The following SLC30A7 variants were observed in gnomAD, a reference collection of about 807,000 sequenced individuals.
SLC30A7 encodes the protein zinc transporter 7.
A neutral mutation model predicts 46.0 loss-of-function variants in SLC30A7; 35 were observed. That is an observed-to-expected ratio of 0.76 (90% CI 0.58 to 1.01). SLC30A7 has a LOEUF of 1.01. Ranked by LOEUF, SLC30A7 falls within the 50% of genes least tolerant of loss-of-function variation. SLC30A7 has a pLI of 0.00. For missense variants in SLC30A7, 464 were observed against 451.1 expected (o/e 1.03, Z -0.26); for synonymous variants, 147 against 157.8 (o/e 0.93, Z 0.51).
Position 100,921,848 on chromosome 1 carries a change from G to T in SLC30A7, c.842+7G>T. ...CCATTCTTATAGTTGTAAGGTAAGTGTTATTGTTACTTTCAAGTATTAAAG... is the reference window on the plus strand; with the variant it reads ...CCATTCTTATAGTTGTAAGGTAAGTTTTATTGTTACTTTCAAGTATTAAAG... On this transcript the variant is annotated splice_region_variant and intron_variant, in intron 8 of 10. Coordinates refer to ENST00000357650, the MANE Select transcript of SLC30A7 (RefSeq NM_133496.5). 1 of 1,581,080 alleles carries T rather than the reference G, an allele frequency of 6.3e-7. No individual in the cohort carries two copies. Among genetic ancestry groups the T allele is most frequent in the East Asian group, 2.4e-5 (1 of 42,412 alleles).
At chr1:100,931,563 G>A (rs1327583130) in intron 8 of SLC30A7, among the ~76,000 whole-genome samples, 1 of 151,860 alleles carries the variant, frequency 6.6e-6, no homozygotes, top group Non-Finnish European at 1.5e-5. Context: ...AATTTTTACT[G>A]TTCAGTTACC....
intron 2 of SLC30A7, among the ~76,000 whole-genome samples, chr1:100,903,091 A>G (rs527304301): frequency 1.3e-5 from 2 of 152,316 alleles, no homozygotes; most frequent in South Asian, 4.1e-4. Context: ...AAAAACATTT[A>G]GAAACCATAC....
At chr1:100,901,504 G>T (rs1270974424) in intron 2 of SLC30A7, among the ~76,000 whole-genome samples, 1 of 152,114 alleles carries the variant, frequency 6.6e-6, no homozygotes, top group Non-Finnish European at 1.5e-5. Context: ...GCCCAAGCTG[G>T]AATGCAGTGG....
In SLC30A7 at chr1:100,977,077, T is replaced by A. The variant is rs1329025784; in HGVS notation, c.*2220T>A. ...CTGGGATATTCTGTGGGTTTTGGCA[T>A]ATTAGATAGAGAAAATGACAGATCT... On this transcript the variant is annotated 3_prime_UTR_variant, in exon 11 of 11. Transcript: ENST00000357650. 2.6e-5 allele frequency: 4 copies of A among 152,106 alleles called. No individual in the cohort carries two copies. The highest frequency in any genetic ancestry group is 1.3e-4 in the Admixed American group (2 of 15,188). The allele number at this position is 152,106 out of a possible 1,614,324, so 9.4% of individuals were successfully genotyped here.
chr1:100,974,685 C>T (rs1361712149), intron 10 of SLC30A7, 125 bp from the exon 11 acceptor site: 4 of 614,578 alleles, frequency 6.5e-6, no homozygotes, highest in Admixed American at 7.5e-5. Context: ...ATATTTGTTT[C>T]TGAAATGATT....
intron 9 of SLC30A7, among the ~76,000 whole-genome samples, chr1:100,965,001 A>C (rs904633255): frequency 6.6e-6 from 1 of 152,212 alleles, no homozygotes; most frequent in Non-Finnish European, 1.5e-5. Flanking sequence ...AAACATAAAT[A>C]TTTTTGATAG....
At chr1:100,943,424 A>G (rs979779271) in intron 8 of SLC30A7, among the ~76,000 whole-genome samples, 7 of 152,206 alleles carry the variant, frequency 4.6e-5, no homozygotes, top group Non-Finnish European at 8.8e-5. Flanking sequence ...AGGAAACTTC[A>G]TGTCTTCAGC....
intron 2 of SLC30A7, among the ~76,000 whole-genome samples, chr1:100,904,771 C>T (rs934361220): frequency 6.6e-6 from 1 of 152,166 alleles, no homozygotes; most frequent in Non-Finnish European, 1.5e-5. Context: ...ACTGCTGTTG[C>T]TTGTTACTCA....
At chr1:100,982,486 C>T (rs1034272795), downstream of SLC30A7, among the ~76,000 whole-genome samples, 4 of 152,212 alleles carry the variant, frequency 2.6e-5, no homozygotes, top group Admixed American at 2.6e-4. Flanking sequence ...CCATTCAATT[C>T]TCAACTACCA....
downstream of SLC30A7, among the ~76,000 whole-genome samples, chr1:100,983,257 T>C (rs1018916122): frequency 4.0e-5 from 6 of 151,508 alleles, no homozygotes; most frequent in South Asian, 2.1e-4. Context: ...TCAATAGATA[T>C]AGACAGAATG....
At chr1:100,981,845 A>G (rs1176615963), downstream of SLC30A7, 1 of 152,218 alleles carries the variant, frequency 6.6e-6, no homozygotes, top group East Asian at 1.9e-4. Context: ...GACTTAAGGA[A>G]TGAAAGGCAA....
At chr1:100,905,087 CAAAT>C (rs1651563295) in intron 2 of SLC30A7, among the ~76,000 whole-genome samples, 1 of 152,040 alleles carries the variant, frequency 6.6e-6, no homozygotes, top group Admixed American at 6.6e-5. Context: ...TAAATTATCA[CAAAT>C]AATATGTCAT....
intron 8 of SLC30A7, among the ~76,000 whole-genome samples, chr1:100,956,780 T>C (rs933784719): frequency 3.9e-5 from 6 of 152,254 alleles, no homozygotes; most frequent in African/African-American, 1.4e-4. Context: ...TCCCCTTTAC[T>C]TTTAAAGGTA....
At position 100,903,638 on chromosome 1, in the gene SLC30A7, T is replaced by G. The variant is rs112585423; in HGVS notation, c.183-3214T>G. On this transcript the variant is annotated intron_variant, in intron 2 of 10. Transcript: ENST00000357650. ...CTTAAACTTTCTAATATATCTATATTTCAGTGGAATAAATAAGGTTCATGA... is the reference window on the plus strand; with the variant it reads ...CTTAAACTTTCTAATATATCTATATGTCAGTGGAATAAATAAGGTTCATGA... Among the ~76,000 whole-genome samples, 1,047 of 152,262 alleles carry G rather than the reference T, an allele frequency of 6.9e-3. 9 individuals are homozygous for G. The highest frequency in any genetic ancestry group is 0.011 in the Non-Finnish European group (773 of 67,966).
chr1:100,967,536 T>C (rs186659667), intron 10 of SLC30A7, among the ~76,000 whole-genome samples: 1 of 152,246 alleles, frequency 6.6e-6, no homozygotes, highest in African/African-American at 2.4e-5. Flanking sequence ...ACAGGTTCCA[T>C]GTGTTAAAAA....
Position 100,974,978 on chromosome 1 carries a change from TAG to T in SLC30A7, c.*123_*124del. On this transcript the variant is annotated 3_prime_UTR_variant, in exon 11 of 11. Coordinates refer to ENST00000357650, the MANE Select transcript of SLC30A7 (RefSeq NM_133496.5). ...ATCACTACAACTCCCGAGCACTAAGTAGACGGGGTAGAGTCAGCCGTTCATGC... is the reference window on the plus strand; with the variant it reads ...ATCACTACAACTCCCGAGCACTAAGTACGGGGTAGAGTCAGCCGTTCATGC... 1 of 675,438 alleles carries T rather than the reference TAG, an allele frequency of 1.5e-6. No homozygotes were observed. 41.8% of individuals were successfully genotyped at this position (675,438 alleles called of 1,614,324 possible). A position where few individuals can be genotyped will look rare whatever the true frequency, so the allele number is the denominator to read the frequency against.
chr1:100,987,682 T>A, the SLC30A7 span, among the ~76,000 whole-genome samples: 3 of 151,606 alleles, frequency 2.0e-5, 1 homozygote, highest in East Asian at 3.9e-4. Flanking sequence ...TTTTTTTTTT[T>A]AAACCATAAG....
rs139797953 is a variant in SLC30A7, at chr1:100,926,525, G to T, written c.842+4684G>T. 6.5e-3 allele frequency among the ~76,000 whole-genome samples: 996 copies of T among 152,258 alleles called. 17 individuals carry two copies. Among genetic ancestry groups the T allele is most frequent in the African/African-American group, 0.021 (867 of 41,536 alleles). On this transcript the variant is annotated intron_variant, in intron 8 of 10. Transcript: ENST00000357650. Reference sequence around the variant, plus strand: ...CAAGCCATGAGGGATCTGTCCCCATGATCCAAACACCTCCCACCAGGCCCC... The same window carrying T: ...CAAGCCATGAGGGATCTGTCCCCATTATCCAAACACCTCCCACCAGGCCCC...
At chr1:100,956,622 C>A (rs190484145) in intron 8 of SLC30A7, among the ~76,000 whole-genome samples, 1 of 152,278 alleles carries the variant, frequency 6.6e-6, no homozygotes, top group East Asian at 1.9e-4. Flanking sequence ...GGGGAAACAA[C>A]TAGACTAAAC....
Sources: allele counts gnomAD v4.1 joint callset (sites outside exome capture counted in the v4.1 genomes callset), GRCh38; gene constraint gnomAD v4.1.1; transcripts MANE v1.5; gene names NCBI Gene and HGNC (gene_info 2026-07-23, HGNC 2026-07-21).